CTNNA3: variants seen among roughly 807,000 people sequenced by gnomAD.
The protein encoded by CTNNA3 is catenin alpha-3.
A neutral mutation model predicts 95.7 loss-of-function variants in CTNNA3; 76 were observed. The ratio of observed to expected loss-of-function variants is 0.79; its 90% confidence interval spans 0.66 to 0.96. CTNNA3 has a LOEUF of 0.96. CTNNA3 is among the 40% of genes least tolerant of loss of function. The probability of loss-of-function intolerance (pLI) is 0.00; values close to 1 mark genes in which losing one functional copy is unlikely to be tolerated. For missense variants in CTNNA3, 1,191 were observed against 1,089.8 expected, an observed-to-expected ratio of 1.09 and a Z score of -1.31; for synonymous variants, 431 against 374.4, an observed-to-expected ratio of 1.15 and a Z score of -1.74.
chr10:67,306,885 T>G (rs566887121), intron 5 of CTNNA3, among the ~76,000 whole-genome samples: 3 of 152,276 alleles, frequency 2.0e-5, no homozygotes, highest in Non-Finnish European at 2.9e-5. Context: ...GGAAGAGTAT[T>G]CCAGAGGAAA....
chr10:66,046,313 T>C (rs1017650612), intron 15 of CTNNA3, among the ~76,000 whole-genome samples: 1 of 152,110 alleles, frequency 6.6e-6, no homozygotes, highest in Non-Finnish European at 1.5e-5. Context: ...ACAGAGACAC[T>C]TGGAGTCTTG....
At chr10:67,441,779 A>G (rs1160197005) in intron 5 of CTNNA3, among the ~76,000 whole-genome samples, 1 of 152,140 alleles carries the variant, frequency 6.6e-6, no homozygotes, top group Non-Finnish European at 1.5e-5. Context: ...TTTCATCAAG[A>G]CCAGACCTAC....
chr10:67,591,555 A>T (rs1353049608), intron 3 of CTNNA3, among the ~76,000 whole-genome samples: 1 of 152,162 alleles, frequency 6.6e-6, no homozygotes, highest in East Asian at 1.9e-4. Flanking sequence ...AGATTGAAAC[A>T]GTTGGATTCA....
intron 11 of CTNNA3, among the ~76,000 whole-genome samples, chr10:66,439,291 A>G (rs550992456): frequency 2.1e-4 from 32 of 152,274 alleles, no homozygotes; most frequent in African/African-American, 7.7e-4. Flanking sequence ...TTATAAATTT[A>G]TATTTTCTAA....
intron 7 of CTNNA3, among the ~76,000 whole-genome samples, chr10:67,135,414 C>T (rs536320612): frequency 1.3e-5 from 2 of 152,206 alleles, no homozygotes; most frequent in Admixed American, 6.5e-5. Flanking sequence ...ATGGCTCATG[C>T]CTGCAATCCC....
chr10:66,541,834 T>G (rs1841862468), intron 10 of CTNNA3, among the ~76,000 whole-genome samples: 1 of 152,138 alleles, frequency 6.6e-6, no homozygotes, highest in African/African-American at 2.4e-5. Context: ...AAAGACTAAT[T>G]TAAGAAACTT....
At chr10:66,083,278 G>A (rs1188670846) in intron 14 of CTNNA3, among the ~76,000 whole-genome samples, 1 of 152,104 alleles carries the variant, frequency 6.6e-6, no homozygotes, top group Non-Finnish European at 1.5e-5. Flanking sequence ...CATGCAACTT[G>A]TAATTTAGGA....
chr10:66,228,630 C>A (rs1002415294), intron 13 of CTNNA3, among the ~76,000 whole-genome samples: 4 of 152,020 alleles, frequency 2.6e-5, no homozygotes, highest in Non-Finnish European at 5.9e-5. Context: ...TGCATCAAAT[C>A]TTCTCTACTT....
chr10:67,564,871 C>G (rs575497709), intron 3 of CTNNA3, among the ~76,000 whole-genome samples: 1 of 110,464 alleles, frequency 9.1e-6, no homozygotes, highest in Non-Finnish European at 1.6e-5. Context: ...AATACAGTAT[C>G]CCATCATGAT....
At chr10:66,332,821 C>T (rs1250319790) in intron 12 of CTNNA3, among the ~76,000 whole-genome samples, 2 of 152,026 alleles carry the variant, frequency 1.3e-5, no homozygotes, top group Non-Finnish European at 2.9e-5. Flanking sequence ...CCTCCTTGTA[C>T]CTCTGGTAGA....
intron 10 of CTNNA3, among the ~76,000 whole-genome samples, chr10:66,552,641 T>TACAGG: frequency 6.7e-6 from 1 of 149,874 alleles, no homozygotes; most frequent in African/African-American, 2.5e-5. Context: ...ACTCCGATAT[T>TACAGG]TTGTATTTTT....
At chr10:67,607,696 A>G (rs1843326240) in intron 2 of CTNNA3, among the ~76,000 whole-genome samples, 1 of 152,244 alleles carries the variant, frequency 6.6e-6, no homozygotes, top group Admixed American at 6.5e-5. Flanking sequence ...TACACCTACA[A>G]AAGTCAAGTC....
rs2132419111 is a variant in CTNNA3 at position 66,359,828 on chromosome 10, C to T, written c.1732+19324G>A. Among the ~76,000 whole-genome samples the T allele has an allele frequency of 4.0e-5, 3 of 75,696 alleles. 1 individual carries two copies. The highest frequency in any genetic ancestry group is 8.0e-5 in the African/African-American group (2 of 24,856). 49.7% of individuals were successfully genotyped at this position (75,696 alleles called of 152,430 possible). On this transcript the variant is annotated intron_variant, in intron 12 of 17. Coordinates refer to ENST00000433211, the MANE Select transcript of CTNNA3 (RefSeq NM_013266.4). ...GCATGCCATTGTACCAATCATCTTA[C>T]TATTTTTTTTTTTTTTTGAGATGGG... is the stretch of plus-strand genomic sequence containing the variant.
intron 5 of CTNNA3, among the ~76,000 whole-genome samples, chr10:67,406,469 T>C (rs1845141478): frequency 6.6e-6 from 1 of 151,988 alleles, no homozygotes; most frequent in African/African-American, 2.4e-5. Flanking sequence ...ATCAAAATGT[T>C]AAAAAGATCT....
chr10:66,872,288 C>A (rs559359373), intron 7 of CTNNA3, among the ~76,000 whole-genome samples: 1 of 152,292 alleles, frequency 6.6e-6, no homozygotes, highest in Non-Finnish European at 1.5e-5. Flanking sequence ...AGGTTAAAAA[C>A]TTTCTTAATT....
intron 15 of CTNNA3, among the ~76,000 whole-genome samples, chr10:65,990,405 C>G (rs1047714615): frequency 1.1e-4 from 14 of 126,218 alleles, no homozygotes; most frequent in African/African-American, 4.0e-4. Flanking sequence ...TTTTTTTTTT[C>G]CTTTTAATAA....
chr10:66,295,928 T>C (rs1440411999), intron 12 of CTNNA3, among the ~76,000 whole-genome samples: 1 of 135,510 alleles, frequency 7.4e-6, no homozygotes. Flanking sequence ...AGGAAAAATT[T>C]TGGAGATGGC....
intron 11 of CTNNA3, among the ~76,000 whole-genome samples, chr10:66,506,316 T>C (rs1009963661): frequency 6.6e-6 from 1 of 152,160 alleles, no homozygotes; most frequent in Non-Finnish European, 1.5e-5. Flanking sequence ...CCTTTTCCTA[T>C]GGAAGTTCAG....
intron 5 of CTNNA3, among the ~76,000 whole-genome samples, chr10:67,346,973 C>A (rs770937722): frequency 6.6e-6 from 1 of 152,040 alleles, no homozygotes; most frequent in South Asian, 2.1e-4. Context: ...GTCAGAATCA[C>A]TCTAATGAGT....
Sources: allele counts gnomAD v4.1 joint callset (sites outside exome capture counted in the v4.1 genomes callset), GRCh38; gene constraint gnomAD v4.1.1; transcripts MANE v1.5; gene names NCBI Gene and HGNC (gene_info 2026-07-23, HGNC 2026-07-21).